CD109: variants seen among roughly 807,000 people sequenced by gnomAD.
The protein encoded by CD109 is CD109 antigen.
In CD109, 149 loss-of-function variants were observed where a neutral mutation model predicts 165.8. The ratio of observed to expected loss-of-function variants is 0.90; its 90% CI spans 0.79 to 1.03. The LOEUF (loss-of-function observed/expected upper bound fraction) is 1.03, where lower values mean the gene tolerates loss of function less well. CD109 is among the 50% of genes least tolerant of loss of function. The pLI is 0.00. For synonymous variants in CD109, 585 were observed against 592.1 expected, an observed-to-expected ratio of 0.99 and a Z score of 0.18; for missense variants, 1,712 against 1,677.8, an observed-to-expected ratio of 1.02 and a Z score of -0.36.
intron 11 of CD109, among the ~76,000 whole-genome samples, chr6:73,766,535 GTATA>G (rs61670174): frequency 3.5e-4 from 52 of 146,516 alleles, no homozygotes; most frequent in African/African-American, 5.0e-4. Flanking sequence ...ATGTGTGTGT[GTATA>G]TATATATATA....
chr6:73,733,438 C>T (rs75438919), intron 4 of CD109, among the ~76,000 whole-genome samples: 9,119 of 152,222 alleles, frequency 0.06, 325 homozygotes, highest in African/African-American at 0.099. Flanking sequence ...TTTTGCATGC[C>T]CCAATAACTG....
chr6:73,769,103 T>G (rs1319112358), intron 14 of CD109, among the ~76,000 whole-genome samples: 1 of 152,186 alleles, frequency 6.6e-6, no homozygotes, highest in Non-Finnish European at 1.5e-5. Context: ...TTGCTCAGGT[T>G]GGTCTCTAAC....
intron 4 of CD109, among the ~76,000 whole-genome samples, chr6:73,735,764 C>T (rs185223747): frequency 2.6e-5 from 4 of 152,250 alleles, no homozygotes; most frequent in Admixed American, 6.5e-5. Flanking sequence ...CACTTGAATG[C>T]GTACCTCCCT....
At chr6:73,751,313 T>C (rs1773181936) in intron 5 of CD109, among the ~76,000 whole-genome samples, 1 of 152,132 alleles carries the variant, frequency 6.6e-6, no homozygotes, top group South Asian at 2.1e-4. Context: ...ACCCTTAAGA[T>C]TGTGGGGAGG....
chr6:73,782,524 C>A, intron 17 of CD109, 90 bp from the exon 18 acceptor site: 1 of 1,281,324 alleles, frequency 7.8e-7, no homozygotes, highest in Non-Finnish European at 1.1e-6. Context: ...CTGGACACCT[C>A]AAGTGATTGA....
intron 2 of CD109, among the ~76,000 whole-genome samples, chr6:73,703,180 C>T (rs141730871): frequency 6.6e-6 from 1 of 152,264 alleles, no homozygotes; most frequent in East Asian, 1.9e-4. Flanking sequence ...GGTCCAGAGA[C>T]CATAAGGTTT....
intron 3 of CD109, among the ~76,000 whole-genome samples, chr6:73,728,967 G>T (rs1455874604): frequency 6.6e-6 from 1 of 152,218 alleles, no homozygotes; most frequent in Non-Finnish European, 1.5e-5. Flanking sequence ...AGTCTCACGA[G>T]GTTGCAATCA....
chr6:73,707,601 A>T (rs2150152158), intron 2 of CD109, among the ~76,000 whole-genome samples: 1 of 152,232 alleles, frequency 6.6e-6, no homozygotes, highest in Non-Finnish European at 1.5e-5. Context: ...TGTTGAGAGG[A>T]TTAAATGAGA....
chr6:73,704,909 A>G (rs1771208024), intron 2 of CD109, among the ~76,000 whole-genome samples: 1 of 152,126 alleles, frequency 6.6e-6, no homozygotes. Flanking sequence ...TGCTTCTTGT[A>G]TGTGAGCCTG....
Position 73,759,037 on chromosome 6 carries a change from C to T in CD109, c.758+9C>T. 1 of 1,537,720 alleles carries T rather than the reference C, an allele frequency of 6.5e-7. No individual in the cohort carries two copies. Among genetic ancestry groups the T allele is most frequent in the Non-Finnish European group, 9.0e-7 (1 of 1,112,356 alleles). On this transcript the variant is annotated intron_variant, in intron 7 of 32. Transcript: ENST00000287097. ...GGTACCATCACGGCAAAGTAAGTGT[C>T]ATTTTTCTTTTGATATGACTCAAAA...
intron 16 of CD109, 133 bp downstream of exon 16, chr6:73,780,631 A>G (rs2150248598): frequency 3.5e-6 from 2 of 570,114 alleles, no homozygotes; most frequent in Middle Eastern, 4.5e-4. Context: ...ATGTAAGTAT[A>G]ATTTGAAATG....
intron 32 of CD109, among the ~76,000 whole-genome samples, chr6:73,822,805 G>A (rs1459658178): frequency 1.3e-5 from 2 of 152,066 alleles, no homozygotes; most frequent in Admixed American, 1.3e-4. Flanking sequence ...ACACATTTAC[G>A]ATATGGAAAA....
At chr6:73,818,600 T>C in intron 31 of CD109, 65 bp downstream of exon 31, 1 of 1,438,510 alleles carries the variant, frequency 7.0e-7, no homozygotes, top group Non-Finnish European at 9.5e-7. Context: ...GGTGTCTACC[T>C]TACTTTAAGT....
chr6:73,798,110 G>GTTTTTTTTTTTTTTTTTTTT (rs57382539), intron 23 of CD109, among the ~76,000 whole-genome samples: 1 of 142,518 alleles, frequency 7.0e-6, no homozygotes, highest in Non-Finnish European at 1.5e-5. Flanking sequence ...TCAGTGTCCT[G>GTTTTTTTTTTTTTTTTTTTT]TTTTTTTTTT....
chr6:73,708,150 T>A (rs1771369238), intron 2 of CD109, among the ~76,000 whole-genome samples: 1 of 151,758 alleles, frequency 6.6e-6, no homozygotes, highest in African/African-American at 2.4e-5. Context: ...CCTTCCCCCT[T>A]CCCCCATCCC....
In CD109 at chr6:73,811,129, A is replaced by C; in HGVS notation, c.3684A>C (p.Leu1228Phe). Residue 1228 changes from leucine (L) to phenylalanine (F), a missense_variant, in exon 28 of 33, where the codon TTA (leucine) becomes TTC (phenylalanine). Leu to Phe is a conservative substitution (Grantham distance 22). Transcript: ENST00000287097. Reference protein sequence around the residue: ...VKFLIDTHNRLLLQTAELAVV... With the variant: ...VKFLIDTHNRFLLQTAELAVV... ...TTCTGATTGACACACACAACCGCTT[A>C]CTCCTTCAGACAGCAGAGGTGTGGG... The C allele has an allele frequency of 1.2e-6, 2 of 1,612,808 alleles. No homozygotes were observed. Among genetic ancestry groups the C allele is most frequent in the Non-Finnish European group, 1.7e-6 (2 of 1,179,348 alleles).
upstream of CD109, chr6:73,695,620 A>G (rs1582019990): frequency 6.6e-6 from 1 of 152,086 alleles, no homozygotes; most frequent in East Asian, 1.9e-4. Context: ...TTAAGGAAAA[A>G]TAGTTTTTCT....
rs551546896 is a variant in CD109, at chr6:73,763,027, T to C, written c.997+145T>C. ...GTTGAAATTGTTATGACTGTTAGTC[T>C]AAGTTGCAGGATGATTTTATAAGGG... On this transcript the variant is annotated intron_variant, in intron 9 of 32. Transcript: ENST00000287097. The C allele has an allele frequency of 1.1e-4, 80 of 732,116 alleles. No individual in the cohort carries two copies. In the African/African-American group the frequency reaches 1.3e-3, roughly 12 times the overall value. The allele number at this position is 732,116 out of a possible 1,614,324, so 45.4% of individuals were successfully genotyped here.
At chr6:73,688,768 T>A in the CD109 span, among the ~76,000 whole-genome samples, 13 of 116,164 alleles carry the variant, frequency 1.1e-4, no homozygotes, top group Middle Eastern at 4.2e-3. Context: ...TTTGTTTTTT[T>A]TTTTTTTTTT....
Sources: gnomAD v4.1 joint callset for allele counts (sites outside exome capture counted in the v4.1 genomes callset) on GRCh38, gnomAD v4.1.1 for gene constraint, MANE v1.5 for transcripts, NCBI Gene and HGNC (gene_info 2026-07-23, HGNC 2026-07-21) for gene names.